KIAA1217: variants seen among roughly 807,000 people sequenced by gnomAD.
KIAA1217 encodes sickle tail protein homolog.
A neutral mutation model predicts 163.9 loss-of-function variants in KIAA1217; 88 were observed. The observed-to-expected ratio is 0.54, with a 90% CI of 0.45 to 0.64. The LOEUF (loss-of-function observed/expected upper bound fraction) is 0.64. Ranked by LOEUF, KIAA1217 falls within the 30% of genes least tolerant of loss-of-function variation. The pLI, the probability that KIAA1217 is intolerant of heterozygous loss-of-function variation, is 0.00. For missense variants in KIAA1217, 2,372 were observed against 2,475.0 expected, an observed-to-expected ratio of 0.96 and a Z score of 0.88; for synonymous variants, 903 against 923.1, an observed-to-expected ratio of 0.98 and a Z score of 0.39.
chr10:24,084,745 C>G (rs1465507289), intron 2 of KIAA1217, among the ~76,000 whole-genome samples: 1 of 151,936 alleles, frequency 6.6e-6, no homozygotes, highest in Non-Finnish European at 1.5e-5. Flanking sequence ...AGGTAAGGAG[C>G]AAAAAGTAAT....
At chr10:23,952,129 G>A (rs1338914530) in intron 1 of KIAA1217, among the ~76,000 whole-genome samples, 2 of 152,174 alleles carry the variant, frequency 1.3e-5, no homozygotes, top group Non-Finnish European at 2.9e-5. Context: ...ACCAAATTCT[G>A]CAATAACCAG....
At position 24,178,751 on chromosome 10, in the gene KIAA1217, C is replaced by T. The variant is rs150306394; in HGVS notation, c.-170-40875C>T. ...AGAACTAAGTGGCTCTGTGATATGA[C>T]ATACATTTCACCTTTTTCTTTAGCC... On this transcript the variant is annotated intron_variant, in intron 2 of 18. Transcript: ENST00000376462. Among the ~76,000 whole-genome samples, 953 of 152,226 alleles carry T rather than the reference C, an allele frequency of 6.3e-3. 13 individuals carry two copies. Among genetic ancestry groups the T allele is most frequent in the African/African-American group, 0.019 (802 of 41,550 alleles).
chr10:24,503,884 C>T (rs928304884), intron 9 of KIAA1217, among the ~76,000 whole-genome samples: 3 of 152,194 alleles, frequency 2.0e-5, no homozygotes, highest in African/African-American at 4.8e-5. Flanking sequence ...TTAAGAAAAA[C>T]ATACATATCA....
intron 2 of KIAA1217, among the ~76,000 whole-genome samples, chr10:24,314,494 T>C (rs1311424378): frequency 2.0e-5 from 3 of 152,220 alleles, no homozygotes; most frequent in African/African-American, 7.2e-5. Context: ...TGCACACGTG[T>C]ACATGTGCTC....
Position 24,184,110 on chromosome 10 carries a change from C to T in KIAA1217, c.-170-35516C>T, listed in dbSNP as rs11013942. 3.0e-3 allele frequency among the ~76,000 whole-genome samples: 462 copies of T among 152,324 alleles called. 1 individual carries two copies. The highest frequency in any genetic ancestry group is 0.011 in the African/African-American group (437 of 41,584). ...TTGTGTTTACTTTTAATGACAAACA[C>T]TTTAGCTTTCAACAGAGCCAGTGAG... On this transcript the variant is annotated intron_variant, in intron 2 of 18. Transcript: ENST00000376462.
chr10:24,343,119 G>T (rs866875398), intron 2 of KIAA1217, among the ~76,000 whole-genome samples: 14 of 152,062 alleles, frequency 9.2e-5, no homozygotes, highest in African/African-American at 3.4e-4. Context: ...AGGCAAAGCT[G>T]CACTGGATGG....
chr10:24,227,436 G>C (rs998830147), intron 2 of KIAA1217, among the ~76,000 whole-genome samples: 19 of 152,048 alleles, frequency 1.2e-4, no homozygotes, highest in African/African-American at 3.9e-4. Context: ...TGGGATTACA[G>C]GTGTGAGCCA....
chr10:23,818,371 T>C (rs1837465974), intron 1 of KIAA1217, among the ~76,000 whole-genome samples: 1 of 144,562 alleles, frequency 6.9e-6, no homozygotes, highest in South Asian at 2.1e-4. Flanking sequence ...TATATATATA[T>C]AGCCATGCTC....
intron 2 of KIAA1217, among the ~76,000 whole-genome samples, chr10:24,186,819 A>G (rs1417030387): frequency 1.3e-5 from 2 of 152,136 alleles, no homozygotes; most frequent in African/African-American, 4.8e-5. Flanking sequence ...GAACCTGGAA[A>G]GCAGAGGCTG....
In KIAA1217 at chr10:23,695,187, C is replaced by T. The variant is rs1835943933; in HGVS notation, c.-368C>T. On this transcript the variant is annotated 5_prime_UTR_variant, in exon 1 of 19. Coordinates refer to the KIAA1217 transcript ENST00000376462. This position sits in a 1 kb window ranked among gnomAD's most constrained non-coding sequence, Gnocchi z 4.9. The stretch of plus-strand genomic sequence containing the variant: ...GCTCCAGGTCTCCGCGGAGCAGCTG[C>T]CAGTGGGAGAGCGAGGAGAGGCGAG... The T allele has an allele frequency of 6.6e-6, 1 of 152,592 alleles. No homozygotes were observed. Among genetic ancestry groups the T allele is most frequent in the South Asian group, 2.1e-4 (1 of 4,844 alleles). The allele number at this position is 152,592 out of a possible 1,614,324, so 9.5% of individuals were successfully genotyped here. A position where few individuals can be genotyped will look rare whatever the true frequency, so the allele number is the denominator to read the frequency against.
chr10:23,852,348 G>C (rs1839392650), intron 1 of KIAA1217, among the ~76,000 whole-genome samples: 1 of 152,056 alleles, frequency 6.6e-6, no homozygotes, highest in Admixed American at 6.6e-5. Flanking sequence ...TATTTCTGAG[G>C]GCTCTGTTCT....
At chr10:24,299,617 T>C (rs2041061023) in intron 2 of KIAA1217, among the ~76,000 whole-genome samples, 1 of 152,122 alleles carries the variant, frequency 6.6e-6, no homozygotes, top group African/African-American at 2.4e-5. Flanking sequence ...TCAGGCTGGT[T>C]TGAAACTCCT....
intron 2 of KIAA1217, among the ~76,000 whole-genome samples, chr10:24,342,167 C>A (rs1042696040): frequency 6.6e-6 from 1 of 152,182 alleles, no homozygotes; most frequent in Admixed American, 6.5e-5. Context: ...CAGAGAGCAA[C>A]AGTCACAAAC....
At chr10:24,195,107 A>T (rs2066922834) in intron 2 of KIAA1217, among the ~76,000 whole-genome samples, 1 of 151,378 alleles carries the variant, frequency 6.6e-6, no homozygotes, top group African/African-American at 2.4e-5. Flanking sequence ...CCTCCAGGCA[A>T]CCCTCCCCTT....
chr10:24,312,041 A>T (rs76568105), intron 2 of KIAA1217, among the ~76,000 whole-genome samples: 4,492 of 152,248 alleles, frequency 0.03, 142 homozygotes, highest in African/African-American at 0.071. Context: ...CTCTGGATAC[A>T]TAAGGTGACC....
At chr10:24,356,793 C>T (rs1564529644) in intron 2 of KIAA1217, among the ~76,000 whole-genome samples, 1 of 152,318 alleles carries the variant, frequency 6.6e-6, no homozygotes, top group East Asian at 1.9e-4. Flanking sequence ...TATTGGACTT[C>T]CAGCATCCAG....
intron 2 of KIAA1217, among the ~76,000 whole-genome samples, chr10:24,342,755 T>C (rs1301576248): frequency 6.6e-6 from 1 of 150,522 alleles, no homozygotes; most frequent in Non-Finnish European, 1.5e-5. Context: ...GCCTCCCAGG[T>C]TCAAGCGATC....
chr10:24,079,411 C>T (rs1181011368), intron 2 of KIAA1217, among the ~76,000 whole-genome samples: 4 of 152,146 alleles, frequency 2.6e-5, no homozygotes, highest in Non-Finnish European at 4.4e-5. Context: ...TTTCTGTCCA[C>T]GCTCTCCTGG....
chr10:24,163,372 G>A (rs1353234217), intron 2 of KIAA1217, among the ~76,000 whole-genome samples: 4 of 152,138 alleles, frequency 2.6e-5, no homozygotes, highest in Non-Finnish European at 5.9e-5. Flanking sequence ...ATGGCCTCAA[G>A]GATGTCTCTC....
Sources: allele counts gnomAD v4.1 joint callset (sites outside exome capture counted in the v4.1 genomes callset), GRCh38; gene constraint gnomAD v4.1.1; non-coding constraint Gnocchi (gnomAD v3.1); transcripts MANE v1.5; gene names NCBI Gene and HGNC (gene_info 2026-07-23, HGNC 2026-07-21).